Variants in ZMIZ2 observed in about 807,000 individuals in gnomAD.
ZMIZ2 encodes the protein zinc finger MIZ domain-containing protein 2.
In ZMIZ2, 26 loss-of-function variants were observed where a neutral mutation model predicts 93.9. The observed-to-expected ratio is 0.28, with a 90% confidence interval of 0.20 to 0.38. The LOEUF (loss-of-function observed/expected upper bound fraction) is 0.38. Among genes scored for constraint, ZMIZ2 ranks in the 10% least tolerant of loss-of-function variants. The pLI is 1.00. For synonymous variants in ZMIZ2, 485 were observed against 516.4 expected (o/e 0.94, Z 0.82); for missense variants, 1,023 against 1,235.0 (o/e 0.83, Z 2.57).
intron 7 of ZMIZ2, 104 bp downstream of exon 7, chr7:44,759,564 G>A: frequency 8.9e-7 from 1 of 1,119,620 alleles, no homozygotes; most frequent in Non-Finnish European, 1.1e-6. Flanking sequence ...GGTGGCTAAA[G>A]GGGCCAGCAG....
In ZMIZ2 at chr7:44,764,437, T is replaced by C; in HGVS notation, c.1879T>C (p.Tyr627His). 1.2e-6 allele frequency: 2 copies of C among 1,614,216 alleles called. No individual in the cohort carries two copies. The highest frequency in any genetic ancestry group is 1.1e-5 in the South Asian group (1 of 91,086). Residue 627 changes from tyrosine to histidine, a missense_variant, in exon 14 of 19, where the codon TAC becomes CAC. Around this residue, in one of 3 missense-constraint regions of ZMIZ2, gnomAD observed 48 missense variants for 99.1 expected, o/e 0.48. Coordinates refer to ENST00000309315, the MANE Select transcript of ZMIZ2 (RefSeq NM_031449.4). ...RHIQCFDLES[Y>H]LQLNCERGTW... ...TCTACAGTGCTTTGACCTGGAGTCG[T>C]ACCTGCAGCTCAACTGTGAGCGGGG...
At chr7:44,756,046 T>A in intron 1 of ZMIZ2, 142 bp from the exon 2 acceptor site, 1 of 665,604 alleles carries the variant, frequency 1.5e-6, no homozygotes, top group Non-Finnish European at 2.6e-6. Context: ...ACTAGGCCCC[T>A]CCACTGCCTT....
Position 44,767,909 on chromosome 7 carries a change from G to A in ZMIZ2, c.*286G>A, listed in dbSNP as rs1583667954. On this transcript the variant is annotated 3_prime_UTR_variant, in exon 19 of 19. Transcript: ENST00000309315. ...CCCCTGCCCAGCCCTGTCCAGCCTTGTCCACACACACATCTCACGCCCCTG... is the reference window on the plus strand; with the variant it reads ...CCCCTGCCCAGCCCTGTCCAGCCTTATCCACACACACATCTCACGCCCCTG... 1.0e-5 allele frequency: 5 copies of A among 502,450 alleles called. No homozygotes were observed. Among genetic ancestry groups the A allele is most frequent in the Middle Eastern group, 5.3e-4 (1 of 1,902 alleles). The allele number at this position is 502,450 out of a possible 1,614,324, so 31.1% of individuals were successfully genotyped here.
Position 44,756,556 on chromosome 7 carries a change from G to A in ZMIZ2, c.165+17G>A, listed in dbSNP as rs780567663. On this transcript the variant is annotated intron_variant, in intron 3 of 18. Transcript: ENST00000309315. Reference sequence around the variant, plus strand: ...CAGAGCCAGGTAAGCACCCACTGGTGCCCCACCCCCGAGCAGACAGAGCCT... The same window carrying A: ...CAGAGCCAGGTAAGCACCCACTGGTACCCCACCCCCGAGCAGACAGAGCCT... 1.9e-6 allele frequency: 3 copies of A among 1,613,258 alleles called. No homozygotes were observed. Among genetic ancestry groups the A allele is most frequent in the South Asian group, 2.2e-5 (2 of 91,066 alleles).
chr7:44,760,235 G>A lies in ZMIZ2; in HGVS notation c.1071+7G>A. 1.9e-6 allele frequency: 3 copies of A among 1,609,720 alleles called. No individual in the cohort carries two copies. Among genetic ancestry groups the A allele is most frequent in the East Asian group, 2.2e-5 (1 of 44,830 alleles). On this transcript the variant is annotated splice_region_variant and intron_variant, in intron 8 of 18. Coordinates refer to ENST00000309315, the MANE Select transcript of ZMIZ2 (RefSeq NM_031449.4). ...CCAACCTGGCCTGAGTGGGGTAGGG[G>A]GCCTGGCCGGGAGGATGGGCCGGGA...
Position 44,761,771 on chromosome 7 carries a change from C to G in ZMIZ2, c.1462C>G (p.Gln488Glu). 6.2e-7 allele frequency: 1 copy of G among 1,614,028 alleles called. No homozygotes were observed. Among genetic ancestry groups the G allele is most frequent in the East Asian group, 2.2e-5 (1 of 44,874 alleles). ...QMNTNWPASV[Q>E]VSVNATPLTI... is the part of the protein sequence containing the mutation. ...GAACACCAACTGGCCAGCCTCGGTG[C>G]AGGTCAGCGTCAATGCCACGCCGCT... The change falls in exon 11 of 19, where the codon CAG becomes GAG. Residue 488 changes from glutamine to glutamate, a missense_variant. By Grantham distance (29) the Gln-to-Glu change is conservative. This residue lies in a region of ZMIZ2 where 656 missense variants were observed against 777.1 expected (regional missense o/e 0.84). Transcript: ENST00000309315. This position sits in a 1 kb window ranked among gnomAD's most constrained non-coding sequence, Gnocchi z 5.8.
intron 4 of ZMIZ2, 32 bp downstream of exon 4, chr7:44,757,181 T>C (rs754920872): frequency 6.4e-7 from 1 of 1,570,762 alleles, no homozygotes; most frequent in Non-Finnish European, 8.6e-7. Context: ...GCAGGTATGC[T>C]AGGAGCCATC....
chr7:44,757,301 G>A, intron 4 of ZMIZ2, 77 bp from the exon 5 acceptor site: 1 of 1,545,416 alleles, frequency 6.5e-7, no homozygotes. Context: ...CCTGGGTGCT[G>A]CATGCCTCTG....
intron 14 of ZMIZ2, 142 bp downstream of exon 14, chr7:44,764,628 C>T (rs1791518380): frequency 5.4e-6 from 5 of 930,922 alleles, no homozygotes; most frequent in Non-Finnish European, 8.2e-6. Flanking sequence ...CAGCTCAGCG[C>T]AGAGAGCTCG....
Position 44,765,902 on chromosome 7 carries a change from A to G in ZMIZ2, c.2243-262A>G. 1 of 1,361,272 alleles carries G rather than the reference A, an allele frequency of 7.3e-7. No individual in the cohort carries two copies. Among genetic ancestry groups the G allele is most frequent in the Non-Finnish European group, 9.5e-7 (1 of 1,054,630 alleles). The allele number at this position is 1,361,272 out of a possible 1,614,324, so 84.3% of individuals were successfully genotyped here. A position where few individuals can be genotyped will look rare whatever the true frequency, so the allele number is the denominator to read the frequency against. ...GGGGCCCCCCTCTGGGACCCACCTC[A>G]CACGCGTGGTGCGTTTGTTTGTGGC... is the stretch of plus-strand genomic sequence containing the variant. On this transcript the variant is annotated intron_variant, in intron 16 of 18. Transcript: ENST00000309315. The surrounding 1 kb of genome is among the most constrained non-coding windows in gnomAD (Gnocchi z 4.1).
rs1216294474 is a variant in ZMIZ2 at position 44,766,791 on chromosome 7, A to C, written c.2655+128A>C. The C allele has an allele frequency of 1.4e-6, 2 of 1,429,250 alleles. No individual in the cohort carries two copies. Among genetic ancestry groups the C allele is most frequent in the Non-Finnish European group, 1.9e-6 (2 of 1,066,770 alleles). 88.5% of individuals were successfully genotyped at this position (1,429,250 alleles called of 1,614,324 possible). ...GAGCCGGTCAGATAAGGTCAACTAA[A>C]TGCAGCTTTTGTTCATGAATTAGAT... On this transcript the variant is annotated intron_variant, in intron 18 of 18. Coordinates refer to ENST00000309315, the MANE Select transcript of ZMIZ2 (RefSeq NM_031449.4). This position sits in a 1 kb window ranked among gnomAD's most constrained non-coding sequence, Gnocchi z 4.4.
In ZMIZ2 at chr7:44,766,653, C is replaced by A. The variant is rs1180777942; in HGVS notation, c.2645C>A (p.Pro882Gln). ...SMSGAGEAPE[P>Q]ALDLLPELTN... ...TCTGGAGCCGGGGAGGCCCCAGAAC[C>A]AGCTCTGGACGTGAGTACCAGGCCC... Residue 882 changes from proline to glutamine, a missense_variant, in exon 18 of 19, where the codon CCA (proline) becomes CAA (glutamine). Coordinates refer to ENST00000309315, the MANE Select transcript of ZMIZ2 (RefSeq NM_031449.4). The surrounding 1 kb of genome is among the most constrained non-coding windows in gnomAD (Gnocchi z 4.4). 6.2e-7 allele frequency: 1 copy of A among 1,613,036 alleles called. No individual in the cohort carries two copies. Among genetic ancestry groups the A allele is most frequent in the East Asian group, 2.2e-5 (1 of 44,886 alleles).
rs1350037503 is a variant in ZMIZ2 at position 44,765,298 on chromosome 7, G to C, written c.1998-37G>C. On this transcript the variant is annotated intron_variant, in intron 15 of 18. Coordinates refer to ENST00000309315, the MANE Select transcript of ZMIZ2 (RefSeq NM_031449.4). The surrounding 1 kb of genome is among the most constrained non-coding windows in gnomAD (Gnocchi z 4.1). ...GCAGTGGGTGCCGGGCCAGCAGCAGGCCAGGAGGTAACCATTCCCCACCTG... is the reference window on the plus strand; with the variant it reads ...GCAGTGGGTGCCGGGCCAGCAGCAGCCCAGGAGGTAACCATTCCCCACCTG... 2 of 1,606,530 alleles carry C rather than the reference G, an allele frequency of 1.2e-6. No individual in the cohort carries two copies. Among genetic ancestry groups the C allele is most frequent in the Non-Finnish European group, 1.7e-6 (2 of 1,175,784 alleles).
At chr7:44,758,168 C>T (rs966212418) in intron 6 of ZMIZ2, 60 bp downstream of exon 6, 5 of 1,471,470 alleles carry the variant, frequency 3.4e-6, no homozygotes, top group South Asian at 1.5e-5. Context: ...CCCAGGCACT[C>T]TTTAGAGCTG....
Position 44,765,055 on chromosome 7 carries a change from G to A in ZMIZ2, c.1997+46G>A, listed in dbSNP as rs778931315. 6.8e-6 allele frequency: 11 copies of A among 1,607,566 alleles called. No homozygotes were observed. In the East Asian group the frequency reaches 1.3e-4, roughly 20 times the overall value. On this transcript the variant is annotated intron_variant, in intron 15 of 18. Transcript: ENST00000309315. The surrounding 1 kb of genome is among the most constrained non-coding windows in gnomAD (Gnocchi z 4.1). ...ATCCCTGCATCTGTGGCCACTGGAG[G>A]GCAGCCCCAGGACATGTCGGGGGAT...
rs765631592 is a variant in ZMIZ2, at chr7:44,756,923, T to C, written c.166-24T>C. 7 of 1,609,460 alleles carry C rather than the reference T, an allele frequency of 4.3e-6. No individual in the cohort carries two copies. In the African/African-American group the frequency reaches 5.4e-5, roughly 12 times the overall value. ...AAGCACGTTGTTTGGCTGGTTCCCT[T>C]TGGTGATTCCTGCTTCCTCATAGGT... On this transcript the variant is annotated intron_variant, in intron 3 of 18. Coordinates refer to ENST00000309315, the MANE Select transcript of ZMIZ2 (RefSeq NM_031449.4).
chr7:44,759,567 G>A (rs1464425491), intron 7 of ZMIZ2, 107 bp downstream of exon 7: 6 of 892,930 alleles, frequency 6.7e-6, no homozygotes, highest in Non-Finnish European at 8.3e-6. Flanking sequence ...GGCTAAAGGG[G>A]CCAGCAGGAT....
rs1330363306 is a variant in ZMIZ2, at chr7:44,748,909, G to A, written c.-145G>A. On this transcript the variant is annotated 5_prime_UTR_variant, in exon 1 of 19. Coordinates refer to ENST00000309315, the MANE Select transcript of ZMIZ2 (RefSeq NM_031449.4). ...GGTGGCGGCGGCCCCGGGGCGGCGG[G>A]CGGCGCGGAGGGCGGGCTGAGCGCA... 1 of 147,820 alleles carries A rather than the reference G, an allele frequency of 6.8e-6. No homozygotes were observed. The highest frequency in any genetic ancestry group is 1.5e-5 in the Non-Finnish European group (1 of 66,162). The allele number at this position is 147,820 out of a possible 1,614,324, so 9.2% of individuals were successfully genotyped here.
rs368088725 is a variant in ZMIZ2, at chr7:44,766,683, C to T, written c.2655+20C>T. 1.5e-4 allele frequency: 240 copies of T among 1,609,626 alleles called. No homozygotes were observed. Among genetic ancestry groups the T allele is most frequent in the Non-Finnish European group, 1.9e-4 (227 of 1,177,544 alleles). ...CTGGACGTGAGTACCAGGCCCCATG[C>T]GGGGGAGTGCGTGGGAGCCAGGGCT... On this transcript the variant is annotated intron_variant, in intron 18 of 18. Coordinates refer to ENST00000309315, the MANE Select transcript of ZMIZ2 (RefSeq NM_031449.4). The surrounding 1 kb of genome is among the most constrained non-coding windows in gnomAD (Gnocchi z 4.4).
Sources: allele counts gnomAD v4.1 joint callset, GRCh38; gene constraint gnomAD v4.1.1; regional missense constraint gnomAD v4.1.1; non-coding constraint Gnocchi (gnomAD v3.1); transcripts MANE v1.5; gene names NCBI Gene and HGNC (gene_info 2026-07-23, HGNC 2026-07-21).